CSGALNACT1: variants seen among roughly 807,000 people sequenced by gnomAD.
CSGALNACT1 encodes chondroitin sulfate N-acetylgalactosaminyltransferase 1, also known as beta4GalNAcT-1.
In CSGALNACT1, 52 loss-of-function variants were observed where a neutral mutation model predicts 51.0. The ratio of observed to expected loss-of-function variants is 1.02; its 90% CI spans 0.82 to 1.29. The LOEUF (loss-of-function observed/expected upper bound fraction) is 1.29. Ranked by LOEUF, CSGALNACT1 falls within the 50% of genes most tolerant of loss-of-function variation. The pLI is 0.00. For missense variants in CSGALNACT1, 935 were observed against 679.2 expected (o/e 1.38, Z -4.19); for synonymous variants, 341 against 254.4 (o/e 1.34, Z -3.24).
At chr8:19,488,391 A>G (rs1337380722) in intron 4 of CSGALNACT1, among the ~76,000 whole-genome samples, 1 of 63,714 alleles carries the variant, frequency 1.6e-5, no homozygotes, top group Non-Finnish European at 3.6e-5. Flanking sequence ...ATATATATAT[A>G]TATATATATA....
At position 19,488,390 on chromosome 8, in the gene CSGALNACT1, T is replaced by C. The variant is rs376534743; in HGVS notation, c.634+16811A>G. Among the ~76,000 whole-genome samples, 85 of 62,534 alleles carry C rather than the reference T, an allele frequency of 1.4e-3. 2 individuals carry two copies. The South Asian group carries it at 0.034, about 25-fold the overall frequency. 41.0% of individuals were successfully genotyped at this position (62,534 alleles called of 152,430 possible). A position where few individuals can be genotyped will look rare whatever the true frequency, so the allele number is the denominator to read the frequency against. On this transcript the variant is annotated intron_variant, in intron 4 of 9. Transcript: ENST00000454498. ...ATATACATATATATATATATATATATATATATATATATATATATATATATA... is the reference window on the plus strand; with the variant it reads ...ATATACATATATATATATATATATACATATATATATATATATATATATATA...
intron 1 of CSGALNACT1, among the ~76,000 whole-genome samples, chr8:19,755,467 A>AAAAAAAAAAAAAAAG: frequency 7.7e-6 from 1 of 129,692 alleles, no homozygotes; most frequent in Non-Finnish European, 1.7e-5. Flanking sequence ...AAAAAAAAAA[A>AAAAAAAAAAAAAAAG]AAAAAAAAAA....
At chr8:19,639,233 C>T (rs77472437) in intron 1 of CSGALNACT1, among the ~76,000 whole-genome samples, 6,824 of 152,182 alleles carry the variant, frequency 0.045, 230 homozygotes, top group Non-Finnish European at 0.063. Flanking sequence ...GGCTTTATGT[C>T]CAAATGGGAG....
At chr8:19,432,650 T>C (rs1007692091) in intron 6 of CSGALNACT1, among the ~76,000 whole-genome samples, 1 of 152,148 alleles carries the variant, frequency 6.6e-6, no homozygotes, top group Non-Finnish European at 1.5e-5. Flanking sequence ...GTCATTGCAG[T>C]TGGCTTATCT....
chr8:19,555,839 C>A (rs756736886), intron 3 of CSGALNACT1, among the ~76,000 whole-genome samples: 3 of 152,142 alleles, frequency 2.0e-5, no homozygotes, highest in African/African-American at 4.8e-5. Flanking sequence ...ATGTGAGTGA[C>A]TGAAATGCAA....
At chr8:19,466,221 T>G (rs1386182833) in intron 4 of CSGALNACT1, among the ~76,000 whole-genome samples, 1 of 151,484 alleles carries the variant, frequency 6.6e-6, no homozygotes, top group South Asian at 2.1e-4. Flanking sequence ...ATGCTGAGAG[T>G]GGTAAATACT....
chr8:19,571,546 T>TA (rs1486573267), intron 3 of CSGALNACT1, among the ~76,000 whole-genome samples: 2 of 150,940 alleles, frequency 1.3e-5, no homozygotes, highest in African/African-American at 2.4e-5. Flanking sequence ...ATATGGCTAA[T>TA]ACGGCATTTA....
chr8:19,441,808 G>A (rs2061369606), intron 5 of CSGALNACT1, among the ~76,000 whole-genome samples: 2 of 152,054 alleles, frequency 1.3e-5, no homozygotes, highest in Admixed American at 1.3e-4. Flanking sequence ...GAAAATTTTT[G>A]CAACCTACTC....
At chr8:19,533,324 G>A (rs532199485) in intron 3 of CSGALNACT1, among the ~76,000 whole-genome samples, 1 of 152,016 alleles carries the variant, frequency 6.6e-6, no homozygotes, top group Non-Finnish European at 1.5e-5. Context: ...GTCTTGCTAT[G>A]TTGCCCAGGC....
At chr8:19,500,215 G>A (rs1036448301) in intron 4 of CSGALNACT1, among the ~76,000 whole-genome samples, 2 of 152,144 alleles carry the variant, frequency 1.3e-5, no homozygotes, top group Non-Finnish European at 1.5e-5. Flanking sequence ...GAAGGACCCC[G>A]GTTCTGCCAC....
At chr8:19,463,193 AG>A (rs1228775092) in intron 4 of CSGALNACT1, among the ~76,000 whole-genome samples, 13 of 152,176 alleles carry the variant, frequency 8.5e-5, no homozygotes, top group African/African-American at 3.1e-4. Context: ...ATGGTATACA[AG>A]TATCACATTT....
At chr8:19,452,433 C>G (rs1490624610) in intron 5 of CSGALNACT1, among the ~76,000 whole-genome samples, 4 of 125,604 alleles carry the variant, frequency 3.2e-5, no homozygotes. Flanking sequence ...AAAAAAAAAG[C>G]AGGGAAGGGG....
At chr8:19,503,550 A>G (rs7823526) in intron 4 of CSGALNACT1, among the ~76,000 whole-genome samples, 8,244 of 152,118 alleles carry the variant, frequency 0.054, 706 homozygotes, top group African/African-American at 0.18. Flanking sequence ...AGCACACCCC[A>G]GGGAGAGTGA....
intron 1 of CSGALNACT1, among the ~76,000 whole-genome samples, chr8:19,645,843 G>A (rs969021361): frequency 7.2e-5 from 11 of 152,094 alleles, no homozygotes; most frequent in African/African-American, 2.7e-4. Context: ...CCAGGGCAGT[G>A]CTGGCCTGGG....
At chr8:19,720,246 T>A (rs2063043838) in intron 1 of CSGALNACT1, among the ~76,000 whole-genome samples, 1 of 152,072 alleles carries the variant, frequency 6.6e-6, no homozygotes, top group Non-Finnish European at 1.5e-5. Flanking sequence ...CCAAAGTCAA[T>A]CCCTAGTGAT....
chr8:19,593,513 C>G (rs556603736), intron 2 of CSGALNACT1, among the ~76,000 whole-genome samples: 4 of 151,884 alleles, frequency 2.6e-5, no homozygotes, highest in Non-Finnish European at 5.9e-5. Context: ...AGATGGCCCA[C>G]GGACTACACT....
exon 7 of CSGALNACT1, chr8:19,420,359 A>G: frequency 6.2e-7 from 1 of 1,614,186 alleles, no homozygotes; most frequent in South Asian, 1.1e-5. Flanking sequence ...TATTCAGCCT[A>G]CACGTATTGA....
intron 3 of CSGALNACT1, among the ~76,000 whole-genome samples, chr8:19,539,721 A>G (rs936452652): frequency 1.2e-4 from 18 of 152,200 alleles, no homozygotes; most frequent in Non-Finnish European, 4.4e-5. Context: ...TATCCTTGAG[A>G]AAAAAATGGA....
chr8:19,441,012 G>A (rs1347916610), intron 5 of CSGALNACT1, among the ~76,000 whole-genome samples: 2 of 152,110 alleles, frequency 1.3e-5, no homozygotes, highest in African/African-American at 2.4e-5. Context: ...AACTTACAAG[G>A]AATATGAAGG....
Sources: gnomAD v4.1 joint callset for allele counts (sites outside exome capture counted in the v4.1 genomes callset) on GRCh38, gnomAD v4.1.1 for gene constraint, MANE v1.5 for transcripts, NCBI Gene and HGNC (gene_info 2026-07-23, HGNC 2026-07-21) for gene names.